The following RYR3 variants were observed in gnomAD, a reference collection of about 807,000 sequenced individuals.
RYR3 encodes ryanodine receptor 3.
Under a neutral mutation model 584.3 loss-of-function variants are expected in RYR3, and 207 were observed. The ratio of observed to expected loss-of-function variants is 0.35; its 90% CI spans 0.32 to 0.40. RYR3 has a LOEUF of 0.40. RYR3 is among the 10% of genes least tolerant of loss of function. RYR3 has a pLI of 1.00. For missense variants in RYR3, 5,616 were observed against 6,089.2 expected, an observed-to-expected ratio of 0.92 and a Z score of 2.59; for synonymous variants, 2,416 against 2,248.5, an observed-to-expected ratio of 1.07 and a Z score of -2.11.
intron 3 of RYR3, among the ~76,000 whole-genome samples, chr15:33,521,578 T>C (rs1301046142): frequency 6.6e-6 from 1 of 152,094 alleles, no homozygotes; most frequent in African/African-American, 2.4e-5. Flanking sequence ...TGGCAAAGTT[T>C]ATGTATTTAA....
chr15:33,717,651 A>G (rs2067598889), intron 43 of RYR3, among the ~76,000 whole-genome samples: 1 of 152,144 alleles, frequency 6.6e-6, no homozygotes, highest in African/African-American at 2.4e-5. Flanking sequence ...CTACATAATA[A>G]CTTCATAATC....
Position 33,636,528 on chromosome 15 carries a change from C to T in RYR3, c.3534C>T (p.Phe1178=), listed in dbSNP as rs1015327748. The change falls in exon 27 of 104, where the codon TTC becomes TTT. Residue 1178 remains phenylalanine (F), a synonymous_variant. Transcript: ENST00000634891. The part of the protein sequence containing the change: ...LITNKGSELA[F]ADYEIENGFV... ...CCAACAAAGGCTCTGAACTTGCCTT[C>T]GCTGACTACGAGATTGAGAATGGTA... is the stretch of plus-strand genomic sequence containing the variant. The T allele has an allele frequency of 3.7e-6, 6 of 1,600,564 alleles. No homozygotes were observed. The Admixed American group carries it at 5.2e-5, about 14-fold the overall frequency.
At position 33,357,065 on chromosome 15, in the gene RYR3, C is replaced by T. The variant is rs3751638; in HGVS notation, c.51+45969C>T. The stretch of plus-strand genomic sequence containing the variant: ...CACTTGTCTATCTCACCTGCTTTCC[C>T]TGCCTGTATGCCACCTCTGACTTTG... On this transcript the variant is annotated intron_variant, in intron 1 of 103. Transcript: ENST00000634891. Among the ~76,000 whole-genome samples the T allele has an allele frequency of 1.2e-3, 181 of 152,180 alleles. 1 individual carries two copies. The highest frequency in any genetic ancestry group is 7.5e-3 in the East Asian group (39 of 5,184).
intron 1 of RYR3, among the ~76,000 whole-genome samples, chr15:33,432,372 A>G (rs1191065726): frequency 6.6e-6 from 1 of 152,034 alleles, no homozygotes; most frequent in Non-Finnish European, 1.5e-5. Context: ...CACCTATGTT[A>G]ACCTGCCAGC....
At chr15:33,697,136 C>T (rs1475608203) in intron 39 of RYR3, among the ~76,000 whole-genome samples, 1 of 152,178 alleles carries the variant, frequency 6.6e-6, no homozygotes, top group African/African-American at 2.4e-5. Flanking sequence ...CAGACAACCT[C>T]CTACCTAACT....
chr15:33,786,935 T>C (rs1043765042), intron 66 of RYR3, among the ~76,000 whole-genome samples: 5 of 152,372 alleles, frequency 3.3e-5, no homozygotes, highest in Admixed American at 2.6e-4. Flanking sequence ...TGGGTGCTAA[T>C]TGGTGTTCCT....
At chr15:33,854,682 G>A (rs1455180210) in intron 97 of RYR3, 84 bp from the exon 98 acceptor site, 9 of 1,508,386 alleles carry the variant, frequency 6.0e-6, no homozygotes, top group Non-Finnish European at 8.0e-6. Context: ...TCCTCAGTGT[G>A]TCTCCCAAAA....
At chr15:33,614,999 C>T (rs2060379955) in intron 19 of RYR3, among the ~76,000 whole-genome samples, 1 of 152,110 alleles carries the variant, frequency 6.6e-6, no homozygotes, top group South Asian at 2.1e-4. Flanking sequence ...TCGTACCTAC[C>T]AGTTGGATGC....
intron 1 of RYR3, among the ~76,000 whole-genome samples, chr15:33,434,799 A>AT (rs2045511858): frequency 6.6e-6 from 1 of 151,730 alleles, no homozygotes; most frequent in South Asian, 2.1e-4. Context: ...TAATAAAAAT[A>AT]TTTTTTCTCA....
At chr15:33,771,129 C>T (rs778096085) in intron 62 of RYR3, among the ~76,000 whole-genome samples, 10 of 152,340 alleles carry the variant, frequency 6.6e-5, no homozygotes, top group Non-Finnish European at 1.3e-4. Context: ...CAACCTAGGA[C>T]GTTTCCCGCA....
At chr15:33,752,216 C>T (rs2071385132) in intron 57 of RYR3, among the ~76,000 whole-genome samples, 1 of 152,116 alleles carries the variant, frequency 6.6e-6, no homozygotes, top group South Asian at 2.1e-4. Context: ...TATGCGGGCT[C>T]TTTTTTTGTT....
At chr15:33,419,687 G>T (rs2044091809) in intron 1 of RYR3, among the ~76,000 whole-genome samples, 1 of 152,054 alleles carries the variant, frequency 6.6e-6, no homozygotes, top group Non-Finnish European at 1.5e-5. Context: ...CTAAAACTTT[G>T]CATTCGTTTG....
intron 5 of RYR3, among the ~76,000 whole-genome samples, chr15:33,538,055 T>A (rs1283127596): frequency 6.6e-6 from 1 of 152,122 alleles, no homozygotes; most frequent in Non-Finnish European, 1.5e-5. Context: ...TCATAGATAC[T>A]AATATAGCTG....
intron 1 of RYR3, among the ~76,000 whole-genome samples, chr15:33,425,466 C>G (rs1424765295): frequency 6.6e-6 from 1 of 152,050 alleles, no homozygotes; most frequent in African/African-American, 2.4e-5. Context: ...AAATCTAAAA[C>G]TACAGAGAGA....
chr15:33,746,025 T>G (rs750506466), intron 52 of RYR3, 43 bp from the exon 53 acceptor site: 1 of 1,356,454 alleles, frequency 7.4e-7, no homozygotes, highest in East Asian at 2.5e-5. Context: ...ATAGCGGGGT[T>G]CTTTGCGTGC....
At chr15:33,829,558 C>G (rs2077556258) in intron 85 of RYR3, among the ~76,000 whole-genome samples, 1 of 151,872 alleles carries the variant, frequency 6.6e-6, no homozygotes, top group Non-Finnish European at 1.5e-5. Flanking sequence ...ACCATCCTGG[C>G]TAACACGGTG....
chr15:33,507,480 C>T (rs749333143), intron 3 of RYR3, among the ~76,000 whole-genome samples: 8 of 152,034 alleles, frequency 5.3e-5, no homozygotes, highest in Non-Finnish European at 8.8e-5. Flanking sequence ...GGAAAATTAC[C>T]GAGGGATAGA....
intron 16 of RYR3, among the ~76,000 whole-genome samples, chr15:33,590,186 T>C (rs1159325501): frequency 1.3e-5 from 2 of 152,152 alleles, no homozygotes; most frequent in African/African-American, 4.8e-5. Context: ...CAGGAACAAA[T>C]CACAATGGTG....
intron 1 of RYR3, among the ~76,000 whole-genome samples, chr15:33,440,255 C>G (rs749506885): frequency 1.3e-5 from 2 of 152,190 alleles, no homozygotes; most frequent in Non-Finnish European, 2.9e-5. Flanking sequence ...CCACTGCACT[C>G]TAGCCTGGGC....
Sources: gnomAD v4.1 joint callset for allele counts (sites outside exome capture counted in the v4.1 genomes callset) on GRCh38, gnomAD v4.1.1 for gene constraint, MANE v1.5 for transcripts, NCBI Gene and HGNC (gene_info 2026-07-23, HGNC 2026-07-21) for gene names.